Variants in LTBP1 observed in about 807,000 individuals in gnomAD.
LTBP1 encodes the protein latent transforming growth factor beta binding protein 1, also known as latent-transforming growth factor beta-binding protein 1.
LTBP1 carries 129 observed loss-of-function variants against 207.6 expected under a neutral mutation model. That is an observed-to-expected ratio of 0.62 (90% CI 0.54 to 0.72). LTBP1 has a LOEUF of 0.72. Among genes scored for constraint, LTBP1 ranks in the 30% least tolerant of loss-of-function variants. LTBP1 has a pLI of 0.00. For synonymous variants in LTBP1, 963 were observed against 833.7 expected, an observed-to-expected ratio of 1.16 and a Z score of -2.67; for missense variants, 2,281 against 2,217.2, an observed-to-expected ratio of 1.03 and a Z score of -0.58.
At chr2:33,367,830 AG>A (rs2095012420) in intron 31 of LTBP1, among the ~76,000 whole-genome samples, 1 of 152,160 alleles carries the variant, frequency 6.6e-6, no homozygotes, top group Admixed American at 6.6e-5. Context: ...GGGAAAGGTT[AG>A]GGGAGGAAGA....
At chr2:33,209,309 G>C (rs1056450831) in intron 7 of LTBP1, among the ~76,000 whole-genome samples, 2 of 152,180 alleles carry the variant, frequency 1.3e-5, no homozygotes, top group Non-Finnish European at 2.9e-5. Flanking sequence ...GTCGCATGCT[G>C]TGTGGTGTTT....
intron 3 of LTBP1, among the ~76,000 whole-genome samples, chr2:33,022,265 C>CTT (rs3047211): frequency 0.26 from 32,151 of 124,890 alleles, 5,586 homozygotes; most frequent in East Asian, 0.9. Context: ...CCTCAATCCT[C>CTT]TTTTTTTTTT....
intron 3 of LTBP1, among the ~76,000 whole-genome samples, chr2:33,107,170 T>G (rs2080111405): frequency 6.6e-6 from 1 of 152,260 alleles, no homozygotes. Flanking sequence ...CAGGGTGCCC[T>G]GCACATCGTA....
intron 5 of LTBP1, among the ~76,000 whole-genome samples, chr2:33,168,399 C>CAAAA (rs10616798): frequency 9.6e-6 from 1 of 103,814 alleles, no homozygotes; most frequent in African/African-American, 3.6e-5. Context: ...GTCTTTGTCT[C>CAAAA]AAAAAAAAAA....
At chr2:32,948,250 C>T (rs1676572947) in intron 1 of LTBP1, among the ~76,000 whole-genome samples, 2 of 152,238 alleles carry the variant, frequency 1.3e-5, no homozygotes, top group South Asian at 4.1e-4. Context: ...GATCCAGCTC[C>T]TGTTCTGTGG....
At chr2:33,153,633 G>A (rs944441349) in intron 5 of LTBP1, among the ~76,000 whole-genome samples, 12 of 152,124 alleles carry the variant, frequency 7.9e-5, no homozygotes, top group Non-Finnish European at 1.3e-4. Flanking sequence ...TAAACTTAAG[G>A]AAAATCATTT....
intron 2 of LTBP1, among the ~76,000 whole-genome samples, chr2:33,003,780 C>T (rs144496245): frequency 2.6e-5 from 4 of 152,170 alleles, no homozygotes; most frequent in South Asian, 2.1e-4. Context: ...GGAGAGGCCA[C>T]GAAAAGAAGG....
intron 5 of LTBP1, among the ~76,000 whole-genome samples, chr2:33,147,260 C>T (rs988290419): frequency 1.3e-5 from 2 of 152,168 alleles, no homozygotes; most frequent in Non-Finnish European, 2.9e-5. Context: ...AATTGTTATA[C>T]TTAGCTTTGG....
At chr2:33,389,885 A>G (rs991345691) in intron 32 of LTBP1, among the ~76,000 whole-genome samples, 4 of 152,262 alleles carry the variant, frequency 2.6e-5, no homozygotes, top group East Asian at 1.9e-4. Flanking sequence ...TAATCCATCC[A>G]TCTTGGCCTC....
chr2:33,364,499 T>TA (rs762123712), intron 30 of LTBP1, 143 bp downstream of exon 30: 330 of 792,424 alleles, frequency 4.2e-4, no homozygotes, highest in Non-Finnish European at 6.1e-4. Context: ...ATGAGATACT[T>TA]ACAGAAATAG....
chr2:33,304,417 A>G (rs1308528625), intron 22 of LTBP1, among the ~76,000 whole-genome samples: 1 of 152,150 alleles, frequency 6.6e-6, no homozygotes, highest in Non-Finnish European at 1.5e-5. Context: ...GTTGGCTTTT[A>G]TGTTTACACG....
intron 31 of LTBP1, among the ~76,000 whole-genome samples, chr2:33,368,044 G>A (rs1189531904): frequency 1.3e-5 from 2 of 151,982 alleles, no homozygotes; most frequent in Non-Finnish European, 2.9e-5. Context: ...GTGAAACCCT[G>A]TCTCTACTAA....
At chr2:33,305,622 T>C (rs1042203988) in intron 22 of LTBP1, among the ~76,000 whole-genome samples, 12 of 152,166 alleles carry the variant, frequency 7.9e-5, no homozygotes, top group Non-Finnish European at 1.3e-4. Context: ...GGAAGATATC[T>C]GAAAGGCAAT....
Position 32,947,540 on chromosome 2 carries a change from C to T in LTBP1, c.216C>T (p.Pro72=), listed in dbSNP as rs961995643. Residue 72 remains proline, a synonymous_variant, in exon 1 of 34, where the codon CCC becomes CCT. Coordinates refer to ENST00000404816, the MANE Select transcript of LTBP1 (RefSeq NM_206943.4). Reference sequence around the variant, plus strand: ...GCAGCTCGGCGGCTGCCGGCGCCCCCAGCCGTGCCTCCCCCGGGGTCCCCT... The same window carrying T: ...GCAGCTCGGCGGCTGCCGGCGCCCCTAGCCGTGCCTCCCCCGGGGTCCCCT... ...YSRSSAAAGA[P]SRASPGVPSE... 32 of 1,387,746 alleles carry T rather than the reference C, an allele frequency of 2.3e-5. No individual in the cohort carries two copies. The highest frequency in any genetic ancestry group is 2.6e-4 in the Middle Eastern group (1 of 3,782). The allele number at this position is 1,387,746 out of a possible 1,614,324, so 86.0% of individuals were successfully genotyped here. A position where few individuals can be genotyped will look rare whatever the true frequency, so the allele number is the denominator to read the frequency against.
At chr2:33,123,191 C>T (rs2081247708) in intron 4 of LTBP1, among the ~76,000 whole-genome samples, 1 of 152,172 alleles carries the variant, frequency 6.6e-6, no homozygotes, top group South Asian at 2.1e-4. Context: ...TTCTGCCTGG[C>T]CTGCGGGTTA....
At chr2:33,222,459 C>T (rs1030971144) in intron 9 of LTBP1, among the ~76,000 whole-genome samples, 1 of 152,192 alleles carries the variant, frequency 6.6e-6, no homozygotes, top group Non-Finnish European at 1.5e-5. Context: ...CTTTCATGGG[C>T]GTGTGCACAC....
intron 1 of LTBP1, among the ~76,000 whole-genome samples, 184 bp from the exon 2 acceptor site, chr2:32,948,691 G>A (rs1676647151): frequency 6.6e-6 from 1 of 152,150 alleles, no homozygotes; most frequent in Non-Finnish European, 1.5e-5. Context: ...CCTGATATAT[G>A]TATGGGCCTT....
At chr2:33,077,647 C>T (rs111758494) in intron 3 of LTBP1, among the ~76,000 whole-genome samples, 193 of 152,234 alleles carry the variant, frequency 1.3e-3, no homozygotes, top group African/African-American at 4.0e-3. Context: ...CAGGCACCCC[C>T]GAACCGGCCC....
intron 19 of LTBP1, among the ~76,000 whole-genome samples, chr2:33,280,925 C>T (rs891878212): frequency 6.6e-6 from 1 of 152,052 alleles, no homozygotes; most frequent in African/African-American, 2.4e-5. Context: ...AAAAACTTAC[C>T]TGGGCTTCGT....
Sources: allele counts gnomAD v4.1 joint callset (sites outside exome capture counted in the v4.1 genomes callset), GRCh38; gene constraint gnomAD v4.1.1; transcripts MANE v1.5; gene names NCBI Gene and HGNC (gene_info 2026-07-23, HGNC 2026-07-21).